The following FAHD2B variants were observed in gnomAD, a reference collection of about 807,000 sequenced individuals.
FAHD2B encodes oxaloacetate tautomerase FAHD2B, mitochondrial.
In FAHD2B, 26 loss-of-function variants were observed where a neutral mutation model predicts 33.7. That is an observed-to-expected ratio of 0.77 (90% confidence interval 0.57 to 1.07). The LOEUF (loss-of-function observed/expected upper bound fraction) is 1.07, where lower values mean the gene tolerates loss of function less well. Ranked by LOEUF, FAHD2B falls within the 50% of genes least tolerant of loss-of-function variation. The pLI is 0.00. For missense variants in FAHD2B, 272 were observed against 388.1 expected, an observed-to-expected ratio of 0.70 and a Z score of 2.51; for synonymous variants, 108 against 150.9, an observed-to-expected ratio of 0.72 and a Z score of 2.08.
downstream of FAHD2B, chr2:97,081,048 G>A: frequency 1.0e-5 from 15 of 1,454,032 alleles, no homozygotes; most frequent in Non-Finnish European, 1.4e-5. Context: ...TGGGATGTGT[G>A]TGCAGTGGTG....
chr2:97,079,642 C>A (rs1241046354), downstream of FAHD2B, among the ~76,000 whole-genome samples: 2 of 149,736 alleles, frequency 1.3e-5, no homozygotes, highest in East Asian at 1.9e-4. Context: ...GTTTAAATTT[C>A]TTTTTTATTT....
intron 4 of FAHD2B, among the ~76,000 whole-genome samples, chr2:97,089,049 A>G (rs949194014): frequency 3.3e-5 from 5 of 152,018 alleles, no homozygotes; most frequent in Non-Finnish European, 7.4e-5. Flanking sequence ...TTCCCAAGAC[A>G]TTTCTAAAAT....
intron 4 of FAHD2B, among the ~76,000 whole-genome samples, chr2:97,089,220 C>T (rs2924053): frequency 6.6e-6 from 1 of 151,946 alleles, no homozygotes; most frequent in African/African-American, 2.4e-5. Context: ...CCTAAGAGTT[C>T]ATTCAAAGGA....
At chr2:97,089,506 A>G (rs184392440) in intron 4 of FAHD2B, among the ~76,000 whole-genome samples, 2,692 of 122,372 alleles carry the variant, frequency 0.022, 89 homozygotes, top group African/African-American at 0.071. Flanking sequence ...CAACAGAGAA[A>G]GACTCTGTCT....
chr2:97,082,195 G>C, downstream of FAHD2B: 3 of 1,527,846 alleles, frequency 2.0e-6, no homozygotes, highest in Non-Finnish European at 1.8e-6. Flanking sequence ...GTCCCCTCCA[G>C]CTCAGCCAGC....
chr2:97,087,272 T>C (rs1453351707), intron 4 of FAHD2B, among the ~76,000 whole-genome samples: 1 of 152,034 alleles, frequency 6.6e-6, no homozygotes, highest in Non-Finnish European at 1.5e-5. Context: ...AGGATGGTCT[T>C]GATCTCCTGA....
intron 3 of FAHD2B, among the ~76,000 whole-genome samples, chr2:97,090,682 C>T (rs1249167751): frequency 6.6e-6 from 1 of 152,068 alleles, no homozygotes; most frequent in Non-Finnish European, 1.5e-5. Flanking sequence ...GTAATGATAG[C>T]ATACTATTTA....
intron 3 of FAHD2B, 122 bp downstream of exon 3, chr2:97,091,340 G>A (rs2032322854): frequency 1.5e-5 from 15 of 1,025,170 alleles, no homozygotes; most frequent in Non-Finnish European, 2.0e-5. Flanking sequence ...CGGGAGAAAA[G>A]GAAAGGTGGG....
At chr2:97,082,527 C>G (rs1418267162), downstream of FAHD2B, 1 of 1,604,094 alleles carries the variant, frequency 6.2e-7, no homozygotes, top group East Asian at 2.2e-5. Flanking sequence ...GGCTGCTGCC[C>G]CCTGCCAGAC....
At chr2:97,084,096 G>A (rs185017037) in intron 7 of FAHD2B, 61 bp from the exon 8 acceptor site, 1 of 1,613,224 alleles carries the variant, frequency 6.2e-7, no homozygotes, top group African/African-American at 1.3e-5. Flanking sequence ...ACAGCCAAAG[G>A]TGGAGGGCTC....
chr2:97,087,730 A>G (rs1306675719), intron 4 of FAHD2B, among the ~76,000 whole-genome samples: 7 of 152,076 alleles, frequency 4.6e-5, no homozygotes, highest in South Asian at 2.1e-4. Flanking sequence ...TCATCCCCCA[A>G]TGCAATAATG....
chr2:97,090,257 G>A lies in FAHD2B; in HGVS notation c.314C>T (p.Pro105Leu), dbSNP rs199898858. 6.2e-7 allele frequency: 1 copy of A among 1,612,880 alleles called. No individual in the cohort carries two copies. Among genetic ancestry groups the A allele is most frequent in the Non-Finnish European group, 8.5e-7 (1 of 1,179,532 alleles). ...CATGCCCACACACACCACCTTATCT[G>A]GCCATGTGACTGGAGCCAGGAAGGT... ...EVTFLAPVTW[P>L]DKVVCVGMNY... The change falls in exon 4 of 9, where the codon CCA becomes CTA. Residue 105 changes from proline to leucine, a missense_variant. Transcript: ENST00000414820.
chr2:97,081,157 C>T (rs897261348), downstream of FAHD2B: 32 of 1,469,934 alleles, frequency 2.2e-5, no homozygotes, highest in Admixed American at 2.5e-5. Context: ...GCCCTGGGAG[C>T]TGCAGGGCAT....
intron 4 of FAHD2B, 72 bp from the exon 5 acceptor site, chr2:97,086,270 C>T: frequency 6.4e-7 from 1 of 1,572,734 alleles, no homozygotes. Flanking sequence ...AGGCTGTACG[C>T]CATGGATCTC....
downstream of FAHD2B, chr2:97,082,805 C>G: frequency 7.7e-7 from 1 of 1,296,132 alleles, no homozygotes; most frequent in Non-Finnish European, 1.1e-6. Flanking sequence ...GCTCCCACCC[C>G]AATAGAGTGG....
At chr2:97,089,277 T>C (rs2032183764) in intron 4 of FAHD2B, among the ~76,000 whole-genome samples, 1 of 151,862 alleles carries the variant, frequency 6.6e-6, no homozygotes, top group Non-Finnish European at 1.5e-5. Flanking sequence ...TCCCAGCACT[T>C]TGGGAGGCTG....
chr2:97,080,838 T>C (rs939135695), downstream of FAHD2B, among the ~76,000 whole-genome samples: 2 of 152,138 alleles, frequency 1.3e-5, no homozygotes, highest in African/African-American at 4.8e-5. Context: ...CTTATTCTTC[T>C]TGTAGCAATT....
intron 2 of FAHD2B, 73 bp from the exon 3 acceptor site, chr2:97,091,785 G>A: frequency 2.6e-6 from 4 of 1,542,766 alleles, no homozygotes; most frequent in East Asian, 2.3e-5. Context: ...ATATTCCTAG[G>A]GCTATAGCCC....
intron 4 of FAHD2B, 129 bp from the exon 5 acceptor site, chr2:97,086,327 C>T: frequency 7.6e-7 from 1 of 1,307,900 alleles, no homozygotes; most frequent in African/African-American, 1.5e-5. Flanking sequence ...TCACCCTGAA[C>T]CAGAGCCCAG....
Sources: gnomAD v4.1 joint callset for allele counts (sites outside exome capture counted in the v4.1 genomes callset) on GRCh38, gnomAD v4.1.1 for gene constraint, MANE v1.5 for transcripts, NCBI Gene and HGNC (gene_info 2026-07-23, HGNC 2026-07-21) for gene names.